APP: variants seen among roughly 807,000 people sequenced by gnomAD.
The protein encoded by APP is amyloid-beta precursor protein.
In APP, 31 loss-of-function variants were observed where a neutral mutation model predicts 101.4. The ratio of observed to expected loss-of-function variants is 0.31; its 90% CI spans 0.23 to 0.41. The LOEUF is 0.41. Ranked by LOEUF, APP falls within the 10% of genes least tolerant of loss-of-function variation. The probability of loss-of-function intolerance (pLI) is 1.00; values close to 1 mark genes in which losing one functional copy is unlikely to be tolerated. For synonymous variants in APP, 366 were observed against 364.4 expected, an observed-to-expected ratio of 1.00 and a Z score of -0.05; for missense variants, 839 against 1,003.7, an observed-to-expected ratio of 0.84 and a Z score of 2.22.
Position 25,984,945 on chromosome 21 carries a change from A to C in APP, c.1091-2468T>G, listed in dbSNP as rs187298538. Among the ~76,000 whole-genome samples the C allele has an allele frequency of 1.3e-4, 20 of 152,310 alleles. No homozygotes were observed. The East Asian group carries it at 3.9e-3, about 29-fold the overall frequency. On this transcript the variant is annotated intron_variant, in intron 8 of 17. Transcript: ENST00000346798. ...AACCATAACATAAGCACCCCTTTGG[A>C]AAACTGGAATCATAAAACTTACTAT... is the stretch of plus-strand genomic sequence containing the variant.
chr21:26,140,244 CTG>C, intron 1 of APP: 1 of 1,536,088 alleles, frequency 6.5e-7, no homozygotes, highest in Middle Eastern at 1.7e-4. Flanking sequence ...ACATCAGCAA[CTG>C]TGGAATACTC....
At chr21:26,135,319 G>C (rs1387592034) in intron 1 of APP, among the ~76,000 whole-genome samples, 1 of 152,172 alleles carries the variant, frequency 6.6e-6, no homozygotes. Flanking sequence ...GGGTATGGGG[G>C]TTGAAAACAG....
chr21:26,120,721 A>C (rs959242798), intron 1 of APP, among the ~76,000 whole-genome samples: 19 of 152,234 alleles, frequency 1.2e-4, no homozygotes, highest in African/African-American at 4.6e-4. Context: ...TTTTTAAAAA[A>C]AATTAAACAT....
intron 6 of APP, among the ~76,000 whole-genome samples, chr21:26,017,218 A>AAAAAAAAAAAAAAAAAAT: frequency 6.7e-6 from 1 of 149,366 alleles, no homozygotes; most frequent in Non-Finnish European, 1.5e-5. Flanking sequence ...AAAAAAAAAA[A>AAAAAAAAAAAAAAAAAAT]TTCTTGGCCT....
intron 6 of APP, among the ~76,000 whole-genome samples, chr21:26,019,786 G>A (rs1383227021): frequency 6.6e-6 from 1 of 152,230 alleles, no homozygotes; most frequent in Non-Finnish European, 1.5e-5. Flanking sequence ...TAGGTTTCGA[G>A]AAGAGAAGCC....
At chr21:25,912,861 G>A (rs2039151989) in intron 13 of APP, among the ~76,000 whole-genome samples, 1 of 151,976 alleles carries the variant, frequency 6.6e-6, no homozygotes, top group African/African-American at 2.4e-5. Flanking sequence ...TTTAAAAACT[G>A]ACCCCAGGAT....
chr21:25,945,299 GA>G (rs2040759283), intron 13 of APP, among the ~76,000 whole-genome samples: 1 of 147,238 alleles, frequency 6.8e-6, no homozygotes, highest in African/African-American at 2.5e-5. Flanking sequence ...AGTTCTAGTA[GA>G]TAAAAGTGTT....
chr21:26,057,737 C>A (rs551772246), intron 3 of APP, among the ~76,000 whole-genome samples: 1 of 152,312 alleles, frequency 6.6e-6, no homozygotes, highest in East Asian at 1.9e-4. Flanking sequence ...GGCAGAAGAA[C>A]TAGACTGAAA....
chr21:25,967,021 T>C (rs9305268), intron 11 of APP, among the ~76,000 whole-genome samples: 49,514 of 152,056 alleles, frequency 0.33, 9,224 homozygotes, highest in East Asian at 0.49. Flanking sequence ...CAAATAGCCT[T>C]GAGCAAAATC....
At chr21:26,134,805 A>G (rs555789953) in intron 1 of APP, among the ~76,000 whole-genome samples, 22 of 152,352 alleles carry the variant, frequency 1.4e-4, no homozygotes, top group African/African-American at 4.8e-4. Flanking sequence ...CCTTCTTAGC[A>G]CTGGAGATTC....
chr21:25,888,883 AAAAG>A (rs1176843760), intron 17 of APP, among the ~76,000 whole-genome samples: 3 of 152,246 alleles, frequency 2.0e-5, no homozygotes, highest in Non-Finnish European at 4.4e-5. Flanking sequence ...GCGGAGAACT[AAAAG>A]GAAGGAGTGT....
intron 2 of APP, among the ~76,000 whole-genome samples, chr21:26,104,866 T>C (rs1048974156): frequency 7.2e-5 from 11 of 151,888 alleles, no homozygotes; most frequent in African/African-American, 2.7e-4. Flanking sequence ...ATGAGTTCTG[T>C]TGGTTTTGTT....
chr21:25,900,016 C>T (rs2038335212), intron 15 of APP, among the ~76,000 whole-genome samples: 1 of 152,070 alleles, frequency 6.6e-6, no homozygotes, highest in African/African-American at 2.4e-5. Context: ...GTTCTCTATT[C>T]TTATTTATTT....
intron 8 of APP, among the ~76,000 whole-genome samples, chr21:25,992,407 A>G (rs1020886467): frequency 6.6e-6 from 1 of 152,000 alleles, no homozygotes; most frequent in African/African-American, 2.4e-5. Context: ...AAAAAATTGT[A>G]TAAAATTATC....
At chr21:25,893,906 C>G (rs978190976) in intron 16 of APP, among the ~76,000 whole-genome samples, 2 of 152,170 alleles carry the variant, frequency 1.3e-5, no homozygotes, top group African/African-American at 4.8e-5. Context: ...AGAGAGAAGT[C>G]CTGCCTTCAA....
rs59620258 is a variant in APP at position 25,948,161 on chromosome 21, A to AT, written c.1687+6428dup. ...TGACAGCTCTCTATTTGCTGTTATG[A>AT]TTTTTTTTTTTTGATGTTCATCCTT... On this transcript the variant is annotated intron_variant, in intron 13 of 17. Transcript: ENST00000346798. Among the ~76,000 whole-genome samples the AT allele has an allele frequency of 3.1e-3, 450 of 147,438 alleles. 4 individuals are homozygous for AT. Among genetic ancestry groups the AT allele is most frequent in the East Asian group, 7.7e-3 (39 of 5,072 alleles).
At chr21:26,020,748 C>T (rs964664019) in intron 6 of APP, among the ~76,000 whole-genome samples, 14 of 152,166 alleles carry the variant, frequency 9.2e-5, no homozygotes, top group African/African-American at 1.7e-4. Flanking sequence ...CTTTAAGGAA[C>T]AAATGCATAC....
intron 16 of APP, among the ~76,000 whole-genome samples, chr21:25,892,959 A>AC (rs1569016096): frequency 2.0e-5 from 1 of 50,950 alleles, no homozygotes; most frequent in Non-Finnish European, 4.3e-5. Flanking sequence ...TAAAAAAAAA[A>AC]AACAAAAAGG....
chr21:25,881,797 A>G, intron 17 of APP, 26 bp from the exon 18 acceptor site: 2 of 1,601,666 alleles, frequency 1.2e-6, no homozygotes, highest in Non-Finnish European at 1.7e-6. Context: ...AGAGCTGAGT[A>G]AAAAATAAAA....
Sources: allele counts gnomAD v4.1 joint callset (sites outside exome capture counted in the v4.1 genomes callset), GRCh38; gene constraint gnomAD v4.1.1; transcripts MANE v1.5; gene names NCBI Gene and HGNC (gene_info 2026-07-23, HGNC 2026-07-21).